The following SLC4A5 variants were observed in gnomAD, a reference collection of about 807,000 sequenced individuals.
SLC4A5 encodes the protein solute carrier family 4 member 5.
SLC4A5 carries 96 observed loss-of-function variants against 120.4 expected under a neutral mutation model. The observed-to-expected ratio is 0.80, with a 90% CI of 0.68 to 0.94. The LOEUF (loss-of-function observed/expected upper bound fraction) is 0.94, where lower values mean the gene tolerates loss of function less well. SLC4A5 is among the 40% of genes least tolerant of loss of function. SLC4A5 has a pLI of 0.00. For synonymous variants in SLC4A5, 550 were observed against 571.1 expected (o/e 0.96, Z 0.53); for missense variants, 1,259 against 1,459.5 (o/e 0.86, Z 2.24).
chr2:74,297,955 A>G (rs911743322), intron 7 of SLC4A5, among the ~76,000 whole-genome samples: 2 of 152,240 alleles, frequency 1.3e-5, no homozygotes, highest in African/African-American at 2.4e-5. Context: ...TGACTGACCA[A>G]TGACATCTTA....
chr2:74,246,130 C>T (rs1002186888), intron 19 of SLC4A5, among the ~76,000 whole-genome samples: 15 of 152,210 alleles, frequency 9.9e-5, no homozygotes, highest in African/African-American at 3.4e-4. Flanking sequence ...ATGGAGGAGG[C>T]TCAGATGCTA....
intron 4 of SLC4A5, among the ~76,000 whole-genome samples, chr2:74,330,398 G>A (rs1673325689): frequency 6.7e-6 from 1 of 149,832 alleles, no homozygotes; most frequent in Admixed American, 6.6e-5. Context: ...ACAGGTGAGG[G>A]TGGTGAGGTG....
At chr2:74,272,404 C>T (rs1400946187) in intron 8 of SLC4A5, among the ~76,000 whole-genome samples, 1 of 152,206 alleles carries the variant, frequency 6.6e-6, no homozygotes, top group Admixed American at 6.5e-5. Context: ...AGTTTAAAAA[C>T]TTGCAAAAGC....
rs72921350 is a variant in SLC4A5, at chr2:74,254,850, C to T, written c.1026-144G>A. 706 of 628,448 alleles carry T rather than the reference C, an allele frequency of 1.1e-3. 2 individuals are homozygous for T. In the African/African-American group the frequency reaches 0.012, roughly 11 times the overall value. 38.9% of individuals were successfully genotyped at this position (628,448 alleles called of 1,614,324 possible). Reference sequence around the variant, plus strand: ...TTTTTTTTTGAGACAGGGTCTTGCTCCATCACCCAGGCTGCATGGAGTGCA... The same window carrying T: ...TTTTTTTTTGAGACAGGGTCTTGCTTCATCACCCAGGCTGCATGGAGTGCA... On this transcript the variant is annotated intron_variant, in intron 13 of 30. Transcript: ENST00000394019.
intron 21 of SLC4A5, among the ~76,000 whole-genome samples, chr2:74,235,916 A>G (rs1295379592): frequency 6.6e-6 from 1 of 152,174 alleles, no homozygotes. Flanking sequence ...ATGGTCCCCC[A>G]ACGTCTACCC....
intron 8 of SLC4A5, among the ~76,000 whole-genome samples, chr2:74,267,822 C>T (rs1671352104): frequency 6.6e-6 from 1 of 152,096 alleles, no homozygotes; most frequent in South Asian, 2.1e-4. Context: ...ATGGTGAAAC[C>T]CTGACTCTAC....
intron 2 of SLC4A5, among the ~76,000 whole-genome samples, chr2:74,340,912 T>C (rs1457150684): frequency 6.6e-6 from 1 of 152,150 alleles, no homozygotes; most frequent in Non-Finnish European, 1.5e-5. Context: ...CTGGAAATTA[T>C]AATTATTAAA....
At chr2:74,254,702 G>A (rs767966965) in exon 14 of SLC4A5, 4 of 1,612,348 alleles carry the variant, frequency 2.5e-6, no homozygotes, top group Non-Finnish European at 3.4e-6. Flanking sequence ...AGTATAAACA[G>A]AAATCTGCAA....
At chr2:74,240,041 T>TTATATATATATA (rs142456944) in intron 20 of SLC4A5, among the ~76,000 whole-genome samples, 37 of 145,382 alleles carry the variant, frequency 2.5e-4, no homozygotes, top group African/African-American at 9.0e-4. Context: ...ATATATAAAT[T>TTATATATATATA]TATATATATA....
At chr2:74,291,540 C>A (rs1246814189) in intron 7 of SLC4A5, among the ~76,000 whole-genome samples, 2 of 152,220 alleles carry the variant, frequency 1.3e-5, no homozygotes, top group African/African-American at 4.8e-5. Flanking sequence ...TGGGGGAGAA[C>A]AGACATCTGA....
At chr2:74,297,329 AT>A (rs1672360125) in intron 7 of SLC4A5, among the ~76,000 whole-genome samples, 1 of 152,192 alleles carries the variant, frequency 6.6e-6, no homozygotes. Flanking sequence ...ACTCGTAGCA[AT>A]CTGGCATGAA....
At chr2:74,285,515 T>A (rs994760915) in intron 8 of SLC4A5, among the ~76,000 whole-genome samples, 6 of 152,252 alleles carry the variant, frequency 3.9e-5, no homozygotes, top group Admixed American at 6.5e-5. Context: ...CAATGGTATA[T>A]GCCCTTGTAT....
rs11374814 is a variant in SLC4A5, at chr2:74,296,786, C to CAA, written c.271+7701_271+7702dup. Among the ~76,000 whole-genome samples the CAA allele has an allele frequency of 8.8e-3, 639 of 72,944 alleles. 11 individuals carry two copies. Among genetic ancestry groups the CAA allele is most frequent in the African/African-American group, 0.021 (457 of 21,552 alleles). The allele number at this position is 72,944 out of a possible 152,430, so 47.9% of individuals were successfully genotyped here. On this transcript the variant is annotated intron_variant, in intron 7 of 30. Coordinates refer to ENST00000394019, the Ensembl canonical transcript of SLC4A5. The stretch of plus-strand genomic sequence containing the variant: ...TGGGTGACGGAGCAAGACTCTGTCT[C>CAA]AAAAAAAAAAAAAAAAAAAAGAAAG...
intron 19 of SLC4A5, among the ~76,000 whole-genome samples, chr2:74,243,504 A>G (rs990356267): frequency 2.0e-5 from 3 of 152,222 alleles, no homozygotes; most frequent in African/African-American, 2.4e-5. Context: ...TTCATTTATT[A>G]GAAATTGGGG....
At chr2:74,333,869 G>A (rs937342981) in intron 4 of SLC4A5, among the ~76,000 whole-genome samples, 158 bp downstream of exon 4, 1 of 152,186 alleles carries the variant, frequency 6.6e-6, no homozygotes, top group African/African-American at 2.4e-5. Flanking sequence ...ATGGCATGGG[G>A]GCAAAATTCT....
rs775812832 is a variant in SLC4A5, at chr2:74,235,231, A to G, written c.2320-17T>C. 2 of 1,603,658 alleles carry G rather than the reference A, an allele frequency of 1.2e-6. No individual in the cohort carries two copies. Among genetic ancestry groups the G allele is most frequent in the Middle Eastern group, 1.7e-4 (1 of 6,042 alleles). On this transcript the variant is annotated splice_polypyrimidine_tract_variant and intron_variant, in intron 21 of 30. Coordinates refer to ENST00000394019, the Ensembl canonical transcript of SLC4A5. ...GGCCCGGACCTGCAGACAGGAGATGAGCAAGTAAAAGAAGTGAGTAAAGCA... is the reference window on the plus strand; with the variant it reads ...GGCCCGGACCTGCAGACAGGAGATGGGCAAGTAAAAGAAGTGAGTAAAGCA...
chr2:74,313,049 C>CTT (rs58455711), intron 6 of SLC4A5, among the ~76,000 whole-genome samples: 20 of 107,964 alleles, frequency 1.9e-4, no homozygotes, highest in Admixed American at 6.5e-4. Flanking sequence ...CCTTTTTGGT[C>CTT]TTTTTTTTTT....
intron 2 of SLC4A5, among the ~76,000 whole-genome samples, chr2:74,341,304 CAA>C (rs757430815): frequency 7.5e-4 from 56 of 74,322 alleles, no homozygotes; most frequent in East Asian, 2.1e-3. Flanking sequence ...GACTCCATCT[CAA>C]AAAAAAAAAA....
In SLC4A5 at chr2:74,255,680, T is replaced by C; in HGVS notation, c.1025+95A>G. 1.4e-6 allele frequency: 2 copies of C among 1,452,790 alleles called. No homozygotes were observed. Among genetic ancestry groups the C allele is most frequent in the Non-Finnish European group, 1.9e-6 (2 of 1,061,774 alleles). The allele number at this position is 1,452,790 out of a possible 1,614,324, so 90.0% of individuals were successfully genotyped here. Reference sequence around the variant, plus strand: ...AGCAGCCTCCACGTTTAGAGGTGCCTTTGAGAACACTAACAGTCAACAGCA... The same window carrying C: ...AGCAGCCTCCACGTTTAGAGGTGCCCTTGAGAACACTAACAGTCAACAGCA... On this transcript the variant is annotated intron_variant, in intron 13 of 30. Transcript: ENST00000394019. This position sits in a 1 kb window ranked among gnomAD's most constrained non-coding sequence, Gnocchi z 4.0.
Sources: allele counts gnomAD v4.1 joint callset (sites outside exome capture counted in the v4.1 genomes callset), GRCh38; gene constraint gnomAD v4.1.1; non-coding constraint Gnocchi (gnomAD v3.1); transcripts MANE v1.5; gene names NCBI Gene and HGNC (gene_info 2026-07-23, HGNC 2026-07-21).